Variants in CSMD1 observed in about 807,000 individuals in gnomAD.
CSMD1 encodes the protein CUB and sushi domain-containing protein 1.
In CSMD1, 213 loss-of-function variants were observed where a neutral mutation model predicts 417.5. That is an observed-to-expected ratio of 0.51 (90% CI 0.46 to 0.57). The LOEUF is 0.57. Among genes scored for constraint, CSMD1 ranks in the 20% least tolerant of loss-of-function variants. The probability of loss-of-function intolerance (pLI) is 0.00; values close to 1 mark genes in which losing one functional copy is unlikely to be tolerated. For missense variants in CSMD1, 6,923 were observed against 4,529.7 expected (o/e 1.53, Z -15.17); for synonymous variants, 2,862 against 1,736.8 (o/e 1.65, Z -16.11).
chr8:3,933,461 A>C (rs80042346), intron 5 of CSMD1, among the ~76,000 whole-genome samples: 5 of 151,948 alleles, frequency 3.3e-5, no homozygotes, highest in African/African-American at 1.2e-4. Flanking sequence ...CTACATCTTC[A>C]CTCCCACCCA....
intron 3 of CSMD1, among the ~76,000 whole-genome samples, chr8:4,199,555 C>A (rs1799530715): frequency 6.6e-6 from 1 of 152,124 alleles, no homozygotes; most frequent in Non-Finnish European, 1.5e-5. Context: ...CTCTCGGCTA[C>A]CAAAGGAGCT....
intron 11 of CSMD1, among the ~76,000 whole-genome samples, chr8:3,476,456 G>A (rs1172963042): frequency 6.6e-6 from 1 of 152,138 alleles, no homozygotes; most frequent in Admixed American, 6.6e-5. Context: ...ATACTTAGGA[G>A]GTGGATTTCT....
chr8:4,229,591 T>G (rs897605252), intron 3 of CSMD1, among the ~76,000 whole-genome samples: 2 of 152,106 alleles, frequency 1.3e-5, no homozygotes, highest in Non-Finnish European at 2.9e-5. Flanking sequence ...CTGTTTCCAC[T>G]GCATGAAGGC....
intron 1 of CSMD1, among the ~76,000 whole-genome samples, chr8:4,645,181 T>A (rs887143787): frequency 6.6e-6 from 1 of 152,110 alleles, no homozygotes; most frequent in Non-Finnish European, 1.5e-5. Flanking sequence ...CCTATGGACG[T>A]TGGCATCTCT....
At chr8:3,715,956 C>G (rs1434359350) in intron 6 of CSMD1, among the ~76,000 whole-genome samples, 1 of 152,214 alleles carries the variant, frequency 6.6e-6, no homozygotes, top group Non-Finnish European at 1.5e-5. Context: ...GGAGGAAACC[C>G]CTCAGATGAA....
intron 6 of CSMD1, among the ~76,000 whole-genome samples, chr8:3,715,948 A>G (rs1398683757): frequency 6.6e-6 from 1 of 152,214 alleles, no homozygotes; most frequent in African/African-American, 2.4e-5. Flanking sequence ...GACATGATGG[A>G]GGAAACCCCT....
chr8:3,248,012 A>G (rs1225290323), intron 26 of CSMD1, among the ~76,000 whole-genome samples: 2 of 152,060 alleles, frequency 1.3e-5, no homozygotes, highest in Non-Finnish European at 2.9e-5. Flanking sequence ...ACATCATCAA[A>G]CCACACAGAC....
At chr8:4,343,232 A>G (rs1317938143) in intron 3 of CSMD1, among the ~76,000 whole-genome samples, 1 of 152,134 alleles carries the variant, frequency 6.6e-6, no homozygotes, top group South Asian at 2.1e-4. Context: ...AATCAAATAC[A>G]AAGACACAGA....
At chr8:4,262,527 G>A (rs1242688844) in intron 3 of CSMD1, among the ~76,000 whole-genome samples, 4 of 152,144 alleles carry the variant, frequency 2.6e-5, no homozygotes, top group Non-Finnish European at 4.4e-5. Context: ...TTTGAACTCA[G>A]CCTTTATGAG....
At position 3,912,599 on chromosome 8, in the gene CSMD1, G is replaced by C. The variant is rs1321733738; in HGVS notation, c.818+85304C>G. On this transcript the variant is annotated intron_variant, in intron 5 of 69. Coordinates refer to ENST00000635120, the MANE Select transcript of CSMD1 (RefSeq NM_033225.6). The stretch of plus-strand genomic sequence containing the variant: ...GAAAGTTGAAGCATGATAGAAAAGA[G>C]AGAGAAGGAGCTAAGGTGAATTGCA... Among the ~76,000 whole-genome samples, 3 of 152,200 alleles carry C rather than the reference G, an allele frequency of 2.0e-5. No homozygotes were observed. The East Asian group carries it at 5.8e-4, about 29-fold the overall frequency.
intron 3 of CSMD1, among the ~76,000 whole-genome samples, chr8:4,113,988 G>T (rs957321925): frequency 3.3e-5 from 5 of 152,168 alleles, no homozygotes; most frequent in African/African-American, 1.2e-4. Context: ...AGCAGCAAAT[G>T]TCAATGTAGA....
intron 10 of CSMD1, among the ~76,000 whole-genome samples, chr8:3,536,027 C>G (rs954270998): frequency 6.6e-6 from 1 of 152,158 alleles, no homozygotes. Flanking sequence ...CCTCCTCAAG[C>G]CAGCGACCAC....
intron 12 of CSMD1, among the ~76,000 whole-genome samples, chr8:3,455,884 G>A (rs932350317): frequency 6.6e-6 from 1 of 152,232 alleles, no homozygotes; most frequent in African/African-American, 2.4e-5. Context: ...GCTGTCTTTT[G>A]TTTGGCTATG....
At chr8:3,270,046 CTTTTTT>C (rs200994813) in intron 26 of CSMD1, among the ~76,000 whole-genome samples, 62 of 118,382 alleles carry the variant, frequency 5.2e-4, no homozygotes, top group Admixed American at 9.8e-4. Context: ...CTAACCTCTT[CTTTTTT>C]TTTTTTTTTT....
intron 2 of CSMD1, among the ~76,000 whole-genome samples, chr8:4,481,568 G>A (rs541139955): frequency 1.3e-5 from 2 of 152,214 alleles, no homozygotes; most frequent in East Asian, 3.9e-4. Flanking sequence ...GACGGACTAA[G>A]CTAATATTTT....
intron 1 of CSMD1, among the ~76,000 whole-genome samples, chr8:4,716,585 T>C (rs1808672969): frequency 6.6e-6 from 1 of 152,248 alleles, no homozygotes; most frequent in Non-Finnish European, 1.5e-5. Context: ...ATTTACTATA[T>C]TCTTATAGAA....
Position 3,313,680 on chromosome 8 carries a change from A to G in CSMD1, c.3632-5177T>C, listed in dbSNP as rs560809525. On this transcript the variant is annotated intron_variant, in intron 23 of 69. Coordinates refer to ENST00000635120, the MANE Select transcript of CSMD1 (RefSeq NM_033225.6). ...CTTTCACACTGTTGGTGGGACTGTA[A>G]ACGAGTTCAACCATTGTGGAAGTCA... Among the ~76,000 whole-genome samples, 16 of 152,298 alleles carry G rather than the reference A, an allele frequency of 1.1e-4. 1 individual carries two copies. The South Asian group carries it at 3.1e-3, about 30-fold the overall frequency.
intron 10 of CSMD1, among the ~76,000 whole-genome samples, chr8:3,512,226 G>A (rs892786306): frequency 2.0e-5 from 3 of 152,154 alleles, no homozygotes; most frequent in Non-Finnish European, 2.9e-5. Flanking sequence ...GCTCCTCGCG[G>A]GTCCACGTGC....
At chr8:3,067,564 C>G (rs1813018496) in intron 49 of CSMD1, among the ~76,000 whole-genome samples, 1 of 151,320 alleles carries the variant, frequency 6.6e-6, no homozygotes, top group East Asian at 1.9e-4. Context: ...GAGCTCAACT[C>G]TAATGTCACC....
Sources: allele counts gnomAD v4.1 joint callset (sites outside exome capture counted in the v4.1 genomes callset), GRCh38; gene constraint gnomAD v4.1.1; transcripts MANE v1.5; gene names NCBI Gene and HGNC (gene_info 2026-07-23, HGNC 2026-07-21).